PGBD2: variants seen among roughly 807,000 people sequenced by gnomAD.
PGBD2 encodes piggyBac transposable element-derived protein 2.
PGBD2 carries 6 observed loss-of-function variants against 8.1 expected under a neutral mutation model. The ratio of observed to expected loss-of-function variants is 0.74; its 90% CI spans 0.40 to 1.46. PGBD2 has a LOEUF of 1.46. PGBD2 is among the 40% of genes most tolerant of loss of function. PGBD2 has a pLI of 0.02. For missense variants in PGBD2, 802 were observed against 739.0 expected, an observed-to-expected ratio of 1.09 and a Z score of -0.99; for synonymous variants, 318 against 272.2, an observed-to-expected ratio of 1.17 and a Z score of -1.66.
the PGBD2 span, among the ~76,000 whole-genome samples, chr1:248,898,553 AATGCTG>A: frequency 1.3e-5 from 2 of 152,228 alleles, no homozygotes; most frequent in African/African-American, 4.8e-5. Flanking sequence ...CAGATGAGCA[AATGCTG>A]AGGGAATTCA....
At chr1:248,899,297 A>G in the PGBD2 span, among the ~76,000 whole-genome samples, 1 of 152,260 alleles carries the variant, frequency 6.6e-6, no homozygotes, top group African/African-American at 2.4e-5. Flanking sequence ...TCAACAGAAT[A>G]TACATTCTTC....
the PGBD2 span, among the ~76,000 whole-genome samples, chr1:248,883,037 T>C: frequency 2.0e-5 from 3 of 152,212 alleles, no homozygotes; most frequent in Non-Finnish European, 4.4e-5. Context: ...TAGCTAATTG[T>C]TCATATGGTC....
chr1:248,910,174 A>C (rs181257175), intron 1 of PGBD2, among the ~76,000 whole-genome samples: 1 of 152,350 alleles, frequency 6.6e-6, no homozygotes, highest in Non-Finnish European at 1.5e-5. Flanking sequence ...ATACTGATGC[A>C]TCCTTAATCA....
the PGBD2 span, among the ~76,000 whole-genome samples, chr1:248,889,420 T>C: frequency 0.035 from 5,260 of 152,064 alleles, 299 homozygotes; most frequent in African/African-American, 0.12. Flanking sequence ...TAAATAACAC[T>C]TACTGAGCCG....
At chr1:248,926,493 T>G in the PGBD2 span, among the ~76,000 whole-genome samples, 1 of 152,214 alleles carries the variant, frequency 6.6e-6, no homozygotes, top group East Asian at 1.9e-4. Context: ...GTCTACGTCC[T>G]TCACTGCATG....
At chr1:248,922,521 CCTTGT>C (rs1414324435), downstream of PGBD2, among the ~76,000 whole-genome samples, 1 of 152,152 alleles carries the variant, frequency 6.6e-6, no homozygotes, top group Admixed American at 6.5e-5. Context: ...GAGAGGGCAT[CCTTGT>C]CTTGTGCCAG....
chr1:248,882,293 T>C, the PGBD2 span, among the ~76,000 whole-genome samples: 1 of 152,100 alleles, frequency 6.6e-6, no homozygotes, highest in Non-Finnish European at 1.5e-5. Context: ...TGAGGTTAGA[T>C]GGTCACATGG....
At chr1:248,910,692 G>T (rs1346154304) in intron 1 of PGBD2, among the ~76,000 whole-genome samples, 1 of 152,238 alleles carries the variant, frequency 6.6e-6, no homozygotes, top group Non-Finnish European at 1.5e-5. Flanking sequence ...GGTCAGAGCA[G>T]AAGGGGAGCT....
chr1:248,903,250 G>A (rs1394874497), upstream of PGBD2, among the ~76,000 whole-genome samples: 1 of 152,108 alleles, frequency 6.6e-6, no homozygotes, highest in Non-Finnish European at 1.5e-5. Context: ...CTAGGTTGGA[G>A]TGCAGTGGCA....
chr1:248,889,120 C>T, the PGBD2 span, among the ~76,000 whole-genome samples: 2 of 152,182 alleles, frequency 1.3e-5, no homozygotes, highest in South Asian at 2.1e-4. Context: ...GTAACTGTGG[C>T]TCACGCCTGT....
At chr1:248,919,832 G>C (rs1346328372), downstream of PGBD2, 1 of 165,988 alleles carries the variant, frequency 6.0e-6, no homozygotes, top group Non-Finnish European at 1.5e-5. Context: ...TTTTTCTGTT[G>C]ATCAGTGATG....
At chr1:248,911,423 C>G (rs1179216826) in intron 1 of PGBD2, among the ~76,000 whole-genome samples, 3 of 149,888 alleles carry the variant, frequency 2.0e-5, no homozygotes, top group African/African-American at 7.6e-5. Flanking sequence ...TCAGAGAGCA[C>G]AGGGTTGGGG....
chr1:248,907,061 C>T (rs1311799810), intron 1 of PGBD2, among the ~76,000 whole-genome samples: 2 of 152,096 alleles, frequency 1.3e-5, no homozygotes, highest in Admixed American at 6.5e-5. Context: ...AGGACTTGCA[C>T]CAGCACCGGT....
chr1:248,914,566 A>G (rs751490937), intron 2 of PGBD2: 1 of 1,289,134 alleles, frequency 7.8e-7, no homozygotes, highest in Non-Finnish European at 1.0e-6. Flanking sequence ...GCAGGTCTGT[A>G]CTGATGCAGC....
the PGBD2 span, among the ~76,000 whole-genome samples, chr1:248,873,303 A>G: frequency 6.6e-6 from 1 of 152,204 alleles, no homozygotes; most frequent in Non-Finnish European, 1.5e-5. Context: ...GGCCCGCATC[A>G]GGCCCCTCTG....
intron 1 of PGBD2, among the ~76,000 whole-genome samples, chr1:248,909,152 G>T (rs1293630418): frequency 1.1e-4 from 17 of 152,132 alleles, no homozygotes; most frequent in Admixed American, 1.1e-3. Flanking sequence ...AGGAGCACTG[G>T]TTACCCATGT....
At chr1:248,923,331 A>C (rs1399071234), downstream of PGBD2, among the ~76,000 whole-genome samples, 1 of 151,970 alleles carries the variant, frequency 6.6e-6, no homozygotes, top group Admixed American at 6.5e-5. Context: ...TATTGCGTCT[A>C]TTTGGTTCTT....
upstream of PGBD2, among the ~76,000 whole-genome samples, chr1:248,905,837 G>C (rs761348374): frequency 1.7e-4 from 26 of 152,178 alleles, no homozygotes; most frequent in Admixed American, 8.5e-4. Context: ...GGGTTGGTAA[G>C]GCCGATTATT....
In PGBD2 at chr1:248,916,653, G is replaced by C. The variant is rs1662106846; in HGVS notation, c.69G>C (p.Leu23=). The change falls in exon 3 of 3, where the codon CTG becomes CTC. Residue 23 remains leucine (L), a synonymous_variant. Transcript: ENST00000329291. ...GIHSKVKSAK[L]LEVLNAMEEE... is the part of the protein sequence containing the mutation. ...ACTCAAAGGTGAAGTCTGCAAAGCT[G>C]CTTGAGGTTCTGAATGCTATGGAGG... 2 of 1,614,222 alleles carry C rather than the reference G, an allele frequency of 1.2e-6. No individual in the cohort carries two copies. The highest frequency in any genetic ancestry group is 1.7e-6 in the Non-Finnish European group (2 of 1,180,034).
Sources: gnomAD v4.1 joint callset for allele counts (sites outside exome capture counted in the v4.1 genomes callset) on GRCh38, gnomAD v4.1.1 for gene constraint, MANE v1.5 for transcripts, NCBI Gene and HGNC (gene_info 2026-07-23, HGNC 2026-07-21) for gene names.